TESK2: variants seen among roughly 807,000 people sequenced by gnomAD.
The protein encoded by TESK2 is dual specificity testis-specific protein kinase 2.
Under a neutral mutation model 57.1 loss-of-function variants are expected in TESK2, and 39 were observed. The observed-to-expected ratio is 0.68, with a 90% CI of 0.53 to 0.89. The LOEUF (loss-of-function observed/expected upper bound fraction) is 0.89. Ranked by LOEUF, TESK2 falls within the 40% of genes least tolerant of loss-of-function variation. TESK2 has a pLI of 0.00. For synonymous variants in TESK2, 249 were observed against 267.9 expected, an observed-to-expected ratio of 0.93 and a Z score of 0.69; for missense variants, 646 against 732.1, an observed-to-expected ratio of 0.88 and a Z score of 1.36.
intron 2 of TESK2, among the ~76,000 whole-genome samples, chr1:45,446,168 CTT>C (rs150733462): frequency 6.3e-5 from 9 of 143,806 alleles, no homozygotes; most frequent in Admixed American, 7.0e-5. Context: ...AAAAAACTTC[CTT>C]TTTTTTTTTT....
intron 1 of TESK2, among the ~76,000 whole-genome samples, chr1:45,464,598 A>C (rs11211118): frequency 0.25 from 38,215 of 151,936 alleles, 4,903 homozygotes; most frequent in East Asian, 0.36. Context: ...ATTTTTGTAT[A>C]CTGATTTTGT....
rs560016914 is a variant in TESK2 at position 45,453,341 on chromosome 1, CAAA to C, written c.222+4220_222+4222del. 4.2e-3 allele frequency among the ~76,000 whole-genome samples: 221 copies of C among 53,136 alleles called. 2 individuals carry two copies. The highest frequency in any genetic ancestry group is 0.011 in the African/African-American group (196 of 17,874). 34.9% of individuals were successfully genotyped at this position (53,136 alleles called of 152,430 possible). ...TAGGTAACAGAATGAGACCCTGTCT[CAAA>C]AAAAAAAAAAAAAAAAAAAGAGAGA... On this transcript the variant is annotated intron_variant, in intron 2 of 10. Coordinates refer to ENST00000372086, the MANE Select transcript of TESK2 (RefSeq NM_007170.3).
intron 3 of TESK2, among the ~76,000 whole-genome samples, chr1:45,413,093 T>A (rs1230017444): frequency 6.6e-6 from 1 of 152,290 alleles, no homozygotes; most frequent in African/African-American, 2.4e-5. Flanking sequence ...GGGTTACAGA[T>A]CTTGAGCATA....
At position 45,414,704 on chromosome 1, in the gene TESK2, G is replaced by A. The variant is rs562483956; in HGVS notation, c.344+7021C>T. Reference sequence around the variant, plus strand: ...CAAAGGCAAAGATGTAGGTAGCCCAGCATTATCAAATACAGTAGGCACTAG... The same window carrying A: ...CAAAGGCAAAGATGTAGGTAGCCCAACATTATCAAATACAGTAGGCACTAG... On this transcript the variant is annotated intron_variant, in intron 3 of 10. Transcript: ENST00000372086. Among the ~76,000 whole-genome samples, 7 of 152,252 alleles carry A rather than the reference G, an allele frequency of 4.6e-5. No homozygotes were observed. In the East Asian group the frequency reaches 7.7e-4, roughly 17 times the overall value.
At chr1:45,489,704 C>T (rs1287632446) in intron 1 of TESK2, among the ~76,000 whole-genome samples, 4 of 152,086 alleles carry the variant, frequency 2.6e-5, no homozygotes, top group South Asian at 2.1e-4. Context: ...GCAGGAGAAT[C>T]GCTTGTACCT....
At chr1:45,446,531 T>C (rs1181216826) in intron 2 of TESK2, among the ~76,000 whole-genome samples, 1 of 151,664 alleles carries the variant, frequency 6.6e-6, no homozygotes, top group Admixed American at 6.6e-5. Flanking sequence ...TTAGAAAATA[T>C]GAAATATTAG....
chr1:45,357,308 T>C (rs77506398), intron 4 of TESK2, among the ~76,000 whole-genome samples: 9,596 of 151,996 alleles, frequency 0.063, 447 homozygotes, highest in Non-Finnish European at 0.094. Flanking sequence ...GAAAGCATTC[T>C]ACAAAGGAAA....
intron 1 of TESK2, among the ~76,000 whole-genome samples, chr1:45,463,706 TC>T (rs1652425546): frequency 6.6e-6 from 1 of 152,070 alleles, no homozygotes; most frequent in Admixed American, 6.6e-5. Context: ...CAACTTAGCC[TC>T]CCAAGTAGCT....
intron 1 of TESK2, among the ~76,000 whole-genome samples, chr1:45,463,488 G>A (rs1252389935): frequency 1.3e-5 from 2 of 152,118 alleles, no homozygotes; most frequent in African/African-American, 4.8e-5. Flanking sequence ...CCCAGTGTAT[G>A]GTCTTGGCAC....
intron 1 of TESK2, among the ~76,000 whole-genome samples, chr1:45,485,425 G>T (rs1653425355): frequency 6.6e-6 from 1 of 151,960 alleles, no homozygotes; most frequent in Non-Finnish European, 1.5e-5. Context: ...CGGACCTCGT[G>T]ATCCGCCCGC....
chr1:45,386,173 C>T (rs1018890097), intron 3 of TESK2, among the ~76,000 whole-genome samples: 1 of 151,786 alleles, frequency 6.6e-6, no homozygotes, highest in African/African-American at 2.4e-5. Context: ...GGTGAAACCA[C>T]ATCTCTATTA....
chr1:45,421,966 C>T, intron 2 of TESK2, 120 bp from the exon 3 acceptor site: 1 of 973,600 alleles, frequency 1.0e-6, no homozygotes, highest in Non-Finnish European at 1.5e-6. Context: ...AAATATACAT[C>T]TAATTACATT....
At chr1:45,436,539 G>C (rs1203767141) in intron 2 of TESK2, among the ~76,000 whole-genome samples, 1 of 133,048 alleles carries the variant, frequency 7.5e-6, no homozygotes, top group Non-Finnish European at 1.5e-5. Context: ...GCCCAGGCTG[G>C]AGTGCAATGG....
rs567724755 is a variant in TESK2 at position 45,420,755 on chromosome 1, T to G, written c.344+970A>C. 3.6e-4 allele frequency among the ~76,000 whole-genome samples: 55 copies of G among 151,036 alleles called. 1 individual carries two copies. Among genetic ancestry groups the G allele is most frequent in the African/African-American group, 1.3e-3 (53 of 41,122 alleles). On this transcript the variant is annotated intron_variant, in intron 3 of 10. Coordinates refer to ENST00000372086, the MANE Select transcript of TESK2 (RefSeq NM_007170.3). ...ACGTGCCACCACGCCCGGCTAACTG[T>G]TTTTTTGTATTTTTAGTAGAGATGG...
At chr1:45,395,082 T>C (rs1189676673) in intron 3 of TESK2, among the ~76,000 whole-genome samples, 2 of 152,148 alleles carry the variant, frequency 1.3e-5, no homozygotes, top group African/African-American at 2.4e-5. Flanking sequence ...CCATTCCCCA[T>C]AAAGTGTCAT....
intron 2 of TESK2, among the ~76,000 whole-genome samples, chr1:45,446,763 CAAACTTCCCTAAGGCAGGTACAGGGCA>C (rs1014484025): frequency 5.3e-5 from 8 of 152,188 alleles, no homozygotes; most frequent in African/African-American, 1.9e-4. Context: ...TATACAAAGT[CAAACTTCCCTAAGGCAGGTACAGGGCA>C]AAACCAAATA....
At chr1:45,357,011 T>A (rs1490365491) in intron 4 of TESK2, among the ~76,000 whole-genome samples, 1 of 151,872 alleles carries the variant, frequency 6.6e-6, no homozygotes, top group African/African-American at 2.4e-5. Context: ...CTGGCCAAGA[T>A]GGTGAAACTC....
At chr1:45,391,398 T>A (rs1005968793) in intron 3 of TESK2, among the ~76,000 whole-genome samples, 4 of 151,978 alleles carry the variant, frequency 2.6e-5, no homozygotes, top group Non-Finnish European at 4.4e-5. Context: ...TTTAATTTTT[T>A]AAATAGAGCT....
rs149547649 is a variant in TESK2, at chr1:45,476,608, G to T, written c.-87+14244C>A. 2.1e-4 allele frequency among the ~76,000 whole-genome samples: 32 copies of T among 152,266 alleles called. No homozygotes were observed. In the East Asian group the frequency reaches 6.0e-3, roughly 28 times the overall value. ...CACACCTGTAATCCCAGGACTTTGG[G>T]AGGCTAAGGTGGGAGAATCACAAGG... is the stretch of plus-strand genomic sequence containing the variant. On this transcript the variant is annotated intron_variant, in intron 1 of 10. Transcript: ENST00000372086.
Sources: gnomAD v4.1 joint callset for allele counts (sites outside exome capture counted in the v4.1 genomes callset) on GRCh38, gnomAD v4.1.1 for gene constraint, MANE v1.5 for transcripts, NCBI Gene and HGNC (gene_info 2026-07-23, HGNC 2026-07-21) for gene names.